Variants in MINDY2 observed in about 807,000 individuals in gnomAD.
MINDY2 encodes ubiquitin carboxyl-terminal hydrolase MINDY-2.
A neutral mutation model predicts 68.2 loss-of-function variants in MINDY2; 52 were observed. The ratio of observed to expected loss-of-function variants is 0.76; its 90% CI spans 0.61 to 0.96. The LOEUF (loss-of-function observed/expected upper bound fraction) is 0.96, where lower values mean the gene tolerates loss of function less well. Among genes scored for constraint, MINDY2 ranks in the 40% least tolerant of loss-of-function variants. The pLI, the probability that MINDY2 is intolerant of heterozygous loss-of-function variation, is 0.00. For synonymous variants in MINDY2, 372 were observed against 303.0 expected, an observed-to-expected ratio of 1.23 and a Z score of -2.36; for missense variants, 881 against 773.4, an observed-to-expected ratio of 1.14 and a Z score of -1.65.
Position 58,847,369 on chromosome 15 carries a change from A to G in MINDY2, c.1441A>G (p.Asn481Asp). 1.2e-6 allele frequency: 2 copies of G among 1,608,648 alleles called. No homozygotes were observed. Among genetic ancestry groups the G allele is most frequent in the Non-Finnish European group, 1.7e-6 (2 of 1,175,892 alleles). The change falls in exon 7 of 9, where the codon AAC (asparagine) becomes GAC (aspartate). Residue 481 changes from asparagine to aspartate, a missense_variant. By Grantham distance (23) the Asn-to-Asp change is conservative. Coordinates refer to ENST00000559228, the MANE Select transcript of MINDY2 (RefSeq NM_001040450.3). ...EEKVVWESLH[N>D]VDGDGNFCDS... ...GAAAGTTGTTTGGGAAAGCCTACAC[A>G]ACGTAGATGGTGATGGAAATTTCTG...
chr15:58,859,310 A>G lies in MINDY2; in HGVS notation c.*4700A>G, dbSNP rs2033150374. On this transcript the variant is annotated 3_prime_UTR_variant, in exon 9 of 9. Coordinates refer to ENST00000559228, the MANE Select transcript of MINDY2 (RefSeq NM_001040450.3). ...CTTTTTCTCCATGGAATACGGTGGT[A>G]TCAAATTACTAATACAGTATATAAA... The G allele has an allele frequency of 6.6e-6, 1 of 152,126 alleles. No homozygotes were observed. 9.4% of individuals were successfully genotyped at this position (152,126 alleles called of 1,614,324 possible).
chr15:58,837,096 C>G (rs113714987), intron 6 of MINDY2, among the ~76,000 whole-genome samples: 3,143 of 152,162 alleles, frequency 0.021, 41 homozygotes, highest in Middle Eastern at 0.041. Context: ...AGGGGTTCTT[C>G]CAGCATGGTG....
At chr15:58,806,637 G>T (rs187384609) in intron 3 of MINDY2, among the ~76,000 whole-genome samples, 1 of 152,156 alleles carries the variant, frequency 6.6e-6, no homozygotes, top group East Asian at 1.9e-4. Context: ...ATAAGCATGA[G>T]CCCAGAGCCA....
chr15:58,777,907 C>T (rs1900875593), intron 1 of MINDY2, among the ~76,000 whole-genome samples: 1 of 151,964 alleles, frequency 6.6e-6, no homozygotes, highest in South Asian at 2.1e-4. Context: ...ACTTAGAATA[C>T]ATTTTTGTTT....
chr15:58,850,481 G>A (rs908719414), intron 7 of MINDY2, among the ~76,000 whole-genome samples: 7 of 152,090 alleles, frequency 4.6e-5, no homozygotes, highest in Non-Finnish European at 1.0e-4. Context: ...ATGATATTAT[G>A]GTGATTTAAA....
At chr15:58,776,224 G>A (rs1385050143) in intron 1 of MINDY2, among the ~76,000 whole-genome samples, 1 of 152,146 alleles carries the variant, frequency 6.6e-6, no homozygotes, top group Admixed American at 6.5e-5. Flanking sequence ...AGAGTAGTGA[G>A]CAATAGTTCT....
chr15:58,832,686 C>T (rs1316958806), intron 6 of MINDY2, among the ~76,000 whole-genome samples: 2 of 150,726 alleles, frequency 1.3e-5, no homozygotes, highest in Admixed American at 6.7e-5. Context: ...CGCCACCACA[C>T]CTGGCTAATT....
At chr15:58,796,969 G>A (rs1313567009) in intron 2 of MINDY2, among the ~76,000 whole-genome samples, 1 of 151,998 alleles carries the variant, frequency 6.6e-6, no homozygotes, top group Non-Finnish European at 1.5e-5. Flanking sequence ...GAGTCAAATT[G>A]GACTCATTTA....
chr15:58,816,015 T>G (rs780199032), intron 4 of MINDY2, among the ~76,000 whole-genome samples: 2 of 152,200 alleles, frequency 1.3e-5, no homozygotes, highest in Non-Finnish European at 2.9e-5. Flanking sequence ...AACTGTCATC[T>G]CCCACTAGAA....
At chr15:58,828,575 CTTTTTTTTT>C (rs1163905877) in intron 5 of MINDY2, among the ~76,000 whole-genome samples, 7 of 106,142 alleles carry the variant, frequency 6.6e-5, no homozygotes, top group Non-Finnish European at 1.1e-4. Context: ...TATTGAATTT[CTTTTTTTTT>C]TTTTTTTTTT....
rs2033117626 is a variant in MINDY2 at position 58,858,178 on chromosome 15, C to T, written c.*3568C>T. The T allele has an allele frequency of 6.6e-6, 1 of 152,152 alleles. No homozygotes were observed. Among genetic ancestry groups the T allele is most frequent in the African/African-American group, 2.4e-5 (1 of 41,452 alleles). The allele number at this position is 152,152 out of a possible 1,614,324, so 9.4% of individuals were successfully genotyped here. On this transcript the variant is annotated 3_prime_UTR_variant, in exon 9 of 9. Coordinates refer to ENST00000559228, the MANE Select transcript of MINDY2 (RefSeq NM_001040450.3). ...GCAGTGTGCTTAGGTAAAGTAACTT[C>T]TTCCATGTTTCAAGGTCAGGTTCAG...
intron 5 of MINDY2, among the ~76,000 whole-genome samples, chr15:58,827,132 C>T (rs147211045): frequency 4.1e-4 from 63 of 152,282 alleles, no homozygotes; most frequent in African/African-American, 1.4e-3. Context: ...GCACATGAGC[C>T]TGATTATCTC....
chr15:58,852,922 GTTTTTTTTTTTTT>G (rs746154698), intron 8 of MINDY2, among the ~76,000 whole-genome samples: 4 of 48,958 alleles, frequency 8.2e-5, no homozygotes, highest in Admixed American at 5.6e-4. Context: ...TGCTGTTCCT[GTTTTTTTTTTTTT>G]TTTTTTTTTT....
chr15:58,846,752 G>A (rs2032558016), intron 6 of MINDY2, among the ~76,000 whole-genome samples: 1 of 152,004 alleles, frequency 6.6e-6, no homozygotes, highest in Non-Finnish European at 1.5e-5. Context: ...TTGGTGCTAC[G>A]AAACACGTAC....
chr15:58,835,568 G>C (rs1235145500), intron 6 of MINDY2, among the ~76,000 whole-genome samples: 1 of 152,118 alleles, frequency 6.6e-6, no homozygotes, highest in African/African-American at 2.4e-5. Flanking sequence ...CAGGAGAATC[G>C]CCAGAACCTG....
At chr15:58,832,024 T>TA (rs2031753967) in intron 6 of MINDY2, 108 bp downstream of exon 6, 15 of 988,724 alleles carry the variant, frequency 1.5e-5, no homozygotes, top group Non-Finnish European at 2.0e-5. Flanking sequence ...TAATATTTCT[T>TA]AACCATCAAA....
intron 2 of MINDY2, among the ~76,000 whole-genome samples, chr15:58,796,359 T>C (rs1876183814): frequency 6.6e-6 from 1 of 152,198 alleles, no homozygotes; most frequent in African/African-American, 2.4e-5. Context: ...AATTTGACTA[T>C]AGTTGGTAAA....
At chr15:58,789,027 T>C (rs1225444759) in intron 2 of MINDY2, among the ~76,000 whole-genome samples, 2 of 148,198 alleles carry the variant, frequency 1.3e-5, no homozygotes, top group Non-Finnish European at 3.0e-5. Flanking sequence ...CAAAAACATA[T>C]TTTATTTTTA....
chr15:58,780,629 C>G (rs1020757894), intron 1 of MINDY2, among the ~76,000 whole-genome samples: 1 of 152,092 alleles, frequency 6.6e-6, no homozygotes, highest in Non-Finnish European at 1.5e-5. Context: ...TTCCTTAGAT[C>G]GATTCCTGGG....
Sources: allele counts gnomAD v4.1 joint callset (sites outside exome capture counted in the v4.1 genomes callset), GRCh38; gene constraint gnomAD v4.1.1; transcripts MANE v1.5; gene names NCBI Gene and HGNC (gene_info 2026-07-23, HGNC 2026-07-21).